The following KCNH7 variants were observed in gnomAD, a reference collection of about 807,000 sequenced individuals.
KCNH7 encodes potassium voltage-gated channel subfamily H member 7.
KCNH7 carries 49 observed loss-of-function variants against 120.8 expected under a neutral mutation model. The ratio of observed to expected loss-of-function variants is 0.41; its 90% CI spans 0.32 to 0.51. KCNH7 has a LOEUF of 0.51. Ranked by LOEUF, KCNH7 falls within the 20% of genes least tolerant of loss-of-function variation. The pLI is 0.38. For synonymous variants in KCNH7, 547 were observed against 516.1 expected (o/e 1.06, Z -0.81); for missense variants, 1,097 against 1,446.6 (o/e 0.76, Z 3.92).
chr2:162,423,172 G>A (rs1687758306), intron 9 of KCNH7, 164 bp downstream of exon 9: 5 of 1,431,748 alleles, frequency 3.5e-6, no homozygotes, highest in Non-Finnish European at 4.8e-6. Flanking sequence ...ACCATGCAAT[G>A]CCATGAATTG....
chr2:162,569,655 T>C (rs12137593), intron 2 of KCNH7, among the ~76,000 whole-genome samples: 36 of 151,588 alleles, frequency 2.4e-4, no homozygotes, highest in Admixed American at 1.6e-3. Context: ...CTGCTTTCTC[T>C]TGTGGGCATT....
chr2:162,705,634 A>G (rs1300993002), intron 2 of KCNH7, among the ~76,000 whole-genome samples: 1 of 152,090 alleles, frequency 6.6e-6, no homozygotes. Context: ...GATACTTATT[A>G]TTATCTTTGA....
chr2:162,696,079 A>C (rs1450846526), intron 2 of KCNH7, among the ~76,000 whole-genome samples: 1 of 152,192 alleles, frequency 6.6e-6, no homozygotes, highest in Admixed American at 6.5e-5. Flanking sequence ...TTAAATGACT[A>C]ACGAAGGTGT....
At chr2:162,384,248 A>C (rs1686509356) in intron 13 of KCNH7, among the ~76,000 whole-genome samples, 1 of 151,944 alleles carries the variant, frequency 6.6e-6, no homozygotes, top group South Asian at 2.1e-4. Flanking sequence ...TCTCTGTAAA[A>C]TTAAATTTTG....
In KCNH7 at chr2:162,394,476, G is replaced by A. The variant is rs1686845242; in HGVS notation, c.2623C>T (p.Leu875=). ...GAATCATTCATGGATTGTGATCGTA[G>A]GAGATCAGCCTTTGTTAATGGAACA... The part of the protein sequence containing the change: ...LRHESAKADL[L]RSQSMNDSEG... Residue 875 remains leucine (L), a synonymous_variant, in exon 12 of 16, where the codon CTA becomes TTA. Coordinates refer to ENST00000332142, the MANE Select transcript of KCNH7 (RefSeq NM_033272.4). 1 of 1,592,700 alleles carries A rather than the reference G, an allele frequency of 6.3e-7. No individual in the cohort carries two copies. The highest frequency in any genetic ancestry group is 1.3e-5 in the African/African-American group (1 of 74,330).
intron 5 of KCNH7, among the ~76,000 whole-genome samples, chr2:162,511,647 C>T (rs1691078001): frequency 6.6e-6 from 1 of 151,598 alleles, no homozygotes; most frequent in African/African-American, 2.4e-5. Flanking sequence ...AGGTTGCTGA[C>T]CAAACATTTT....
intron 9 of KCNH7, among the ~76,000 whole-genome samples, chr2:162,407,473 G>A (rs1687263341): frequency 6.6e-6 from 1 of 152,022 alleles, no homozygotes; most frequent in Admixed American, 6.6e-5. Flanking sequence ...AGAAGTGTGG[G>A]TGATGATGTG....
rs749690253 is a variant in KCNH7 at position 162,504,659 on chromosome 2, TA to T, written c.914-3del. 1.5e-5 allele frequency: 23 copies of T among 1,585,408 alleles called. No individual in the cohort carries two copies. Among genetic ancestry groups the T allele is most frequent in the East Asian group, 9.0e-5 (4 of 44,644 alleles). On this transcript the variant is annotated splice_region_variant and splice_polypyrimidine_tract_variant and intron_variant, in intron 5 of 15. Transcript: ENST00000332142. The stretch of plus-strand genomic sequence containing the variant: ...TTGACTTGATATGATTAAAAGGCCC[TA>T]AAAAAATGGAAAGTATTTGTAAGAG...
intron 9 of KCNH7, among the ~76,000 whole-genome samples, chr2:162,410,106 A>G (rs1270268853): frequency 6.6e-6 from 1 of 151,896 alleles, no homozygotes; most frequent in Non-Finnish European, 1.5e-5. Flanking sequence ...AACCAGAAAT[A>G]CTCCTGAATT....
intron 2 of KCNH7, among the ~76,000 whole-genome samples, chr2:162,538,590 C>A (rs551381021): frequency 6.6e-6 from 1 of 152,112 alleles, no homozygotes; most frequent in East Asian, 1.9e-4. Flanking sequence ...ATGCAAGTAT[C>A]CCAAATGGTG....
At chr2:162,794,325 T>C (rs1684059416) in intron 2 of KCNH7, among the ~76,000 whole-genome samples, 1 of 151,742 alleles carries the variant, frequency 6.6e-6, no homozygotes, top group South Asian at 2.1e-4. Flanking sequence ...AGGAACTAAC[T>C]CAGATGTATC....
chr2:162,395,011 G>A (rs1464299341), intron 11 of KCNH7, among the ~76,000 whole-genome samples: 1 of 151,656 alleles, frequency 6.6e-6, no homozygotes, highest in Non-Finnish European at 1.5e-5. Flanking sequence ...TTAATTAATG[G>A]TAAATATATA....
intron 2 of KCNH7, among the ~76,000 whole-genome samples, chr2:162,745,452 A>G (rs1459267979): frequency 6.6e-6 from 1 of 152,196 alleles, no homozygotes; most frequent in Non-Finnish European, 1.5e-5. Flanking sequence ...TAGAGTATCT[A>G]GGAAGTGATG....
chr2:162,759,697 G>A (rs1381867969), intron 2 of KCNH7, among the ~76,000 whole-genome samples: 1 of 151,714 alleles, frequency 6.6e-6, no homozygotes, highest in African/African-American at 2.4e-5. Context: ...AGGCAGGAAG[G>A]AAGGAAGGAA....
chr2:162,811,594 C>G (rs1314942036), intron 2 of KCNH7, among the ~76,000 whole-genome samples: 1 of 151,980 alleles, frequency 6.6e-6, no homozygotes, highest in Non-Finnish European at 1.5e-5. Context: ...ATAAATCTGG[C>G]AGTTTGAAAA....
At chr2:162,468,790 G>C (rs185532052) in intron 6 of KCNH7, among the ~76,000 whole-genome samples, 10 of 151,134 alleles carry the variant, frequency 6.6e-5, no homozygotes, top group African/African-American at 2.4e-4. Context: ...CTCATGATCC[G>C]CCCGCCTAGG....
At position 162,726,761 on chromosome 2, in the gene KCNH7, T is replaced by A. The variant is rs188285918; in HGVS notation, c.307+109776A>T. On this transcript the variant is annotated intron_variant, in intron 2 of 15. Coordinates refer to ENST00000332142, the MANE Select transcript of KCNH7 (RefSeq NM_033272.4). ...TGGTCAAATTGCCCCATTTTTGGTG[T>A]GTGGAAGGCTTTTCAATTGGCTTCA... Among the ~76,000 whole-genome samples the A allele has an allele frequency of 7.2e-5, 11 of 152,270 alleles. No homozygotes were observed. The East Asian group carries it at 1.7e-3, about 24-fold the overall frequency.
rs553444031 is a variant in KCNH7 at position 162,718,048 on chromosome 2, C to CTT, written c.307+118487_307+118488dup. Reference sequence around the variant, plus strand: ...TTTTTCTCTCTCTCCCTCTCTCTCTCTTTTTTTTTTCTTTAATCACACATC... The same window carrying CTT: ...TTTTTCTCTCTCTCCCTCTCTCTCTCTTTTTTTTTTTTCTTTAATCACACATC... On this transcript the variant is annotated intron_variant, in intron 2 of 15. Transcript: ENST00000332142. 6.1e-5 allele frequency among the ~76,000 whole-genome samples: 9 copies of CTT among 148,386 alleles called. No individual in the cohort carries two copies. In the East Asian group the frequency reaches 1.4e-3, roughly 23 times the overall value.
intron 7 of KCNH7, among the ~76,000 whole-genome samples, chr2:162,444,498 T>C (rs1241165901): frequency 1.3e-5 from 2 of 152,014 alleles, no homozygotes; most frequent in East Asian, 3.9e-4. Flanking sequence ...AAGATCTACA[T>C]TGGCAGCAGT....
Sources: gnomAD v4.1 joint callset for allele counts (sites outside exome capture counted in the v4.1 genomes callset) on GRCh38, gnomAD v4.1.1 for gene constraint, MANE v1.5 for transcripts, NCBI Gene and HGNC (gene_info 2026-07-23, HGNC 2026-07-21) for gene names.